LARP4: variants seen among roughly 807,000 people sequenced by gnomAD.
LARP4 encodes the protein La ribonucleoprotein 4.
Under a neutral mutation model 92.9 loss-of-function variants are expected in LARP4, and 29 were observed. The ratio of observed to expected loss-of-function variants is 0.31; its 90% CI spans 0.23 to 0.43. The LOEUF is 0.43. Among genes scored for constraint, LARP4 ranks in the 20% least tolerant of loss-of-function variants. The pLI, the probability that LARP4 is intolerant of heterozygous loss-of-function variation, is 1.00. For synonymous variants in LARP4, 279 were observed against 284.1 expected, an observed-to-expected ratio of 0.98 and a Z score of 0.18; for missense variants, 732 against 860.0, an observed-to-expected ratio of 0.85 and a Z score of 1.86.
In LARP4 at chr12:50,429,065, G is replaced by A. The variant is rs1365844848; in HGVS notation, c.297G>A (p.Leu99=). ...TDGMILGPED[L]SYQIYDVSGE... ...GGATGATTTTAGGACCAGAAGATCT[G>A]AGTTACCAAATATATGATGTTTCCG... is the stretch of plus-strand genomic sequence containing the variant. The change falls in exon 3 of 16, where the codon CTG becomes CTA. Residue 99 remains leucine (L), a synonymous_variant. Transcript: ENST00000398473. 6.2e-7 allele frequency: 1 copy of A among 1,612,086 alleles called. No individual in the cohort carries two copies. Among genetic ancestry groups the A allele is most frequent in the East Asian group, 2.2e-5 (1 of 44,802 alleles).
In LARP4 at chr12:50,467,084, G is replaced by T; in HGVS notation, c.1509G>T (p.Arg503Ser). The T allele has an allele frequency of 6.2e-7, 1 of 1,612,932 alleles. No individual in the cohort carries two copies. Among genetic ancestry groups the T allele is most frequent in the South Asian group, 1.1e-5 (1 of 90,984 alleles). The change falls in exon 13 of 16, where the codon AGG becomes AGT. Residue 503 changes from arginine (R) to serine (S), a missense_variant. By Grantham distance (110) the Arg-to-Ser change is moderately radical (BLOSUM62 -1). Coordinates refer to ENST00000398473, the MANE Select transcript of LARP4 (RefSeq NM_052879.5). ...CAGGTGAACTCGTTTTGGAGAATAGGATGTCTGATGTTGTTAAAGGTGTCT... is the reference window on the plus strand; with the variant it reads ...CAGGTGAACTCGTTTTGGAGAATAGTATGTCTGATGTTGTTAAAGGTGTCT... ...RMPGELVLEN[R>S]MSDVVKGVYK...
intron 1 of LARP4, among the ~76,000 whole-genome samples, chr12:50,417,215 C>T (rs777730464): frequency 2.0e-4 from 31 of 151,694 alleles, no homozygotes; most frequent in Admixed American, 2.0e-3. Flanking sequence ...CAAGATCAGC[C>T]TGGCCAAGAT....
intron 8 of LARP4, among the ~76,000 whole-genome samples, chr12:50,447,371 C>G (rs1045999229): frequency 6.6e-6 from 1 of 152,138 alleles, no homozygotes; most frequent in African/African-American, 2.4e-5. Context: ...ATGTTGATGG[C>G]CATGTAATTC....
In LARP4 at chr12:50,429,099, T is replaced by A; in HGVS notation, c.322+9T>A. The stretch of plus-strand genomic sequence containing the variant: ...AATATATGATGTTTCCGGTAAACTT[T>A]ATGGTTTTATTGTTAAAATGAGAAT... On this transcript the variant is annotated intron_variant, in intron 3 of 15. Transcript: ENST00000398473. 2 of 1,607,792 alleles carry A rather than the reference T, an allele frequency of 1.2e-6. No homozygotes were observed. Among genetic ancestry groups the A allele is most frequent in the Non-Finnish European group, 1.7e-6 (2 of 1,176,362 alleles).
chr12:50,438,485 T>C (rs530433383), intron 6 of LARP4, among the ~76,000 whole-genome samples: 2 of 103,190 alleles, frequency 1.9e-5, no homozygotes, highest in Admixed American at 1.0e-4. Context: ...AGTGAGACTC[T>C]TTGTCTCAAA....
intron 8 of LARP4, among the ~76,000 whole-genome samples, chr12:50,442,718 G>A (rs563274558): frequency 6.6e-6 from 1 of 152,314 alleles, no homozygotes; most frequent in East Asian, 1.9e-4. Flanking sequence ...AACCTAATGA[G>A]ATAGTGCTTT....
intron 8 of LARP4, among the ~76,000 whole-genome samples, chr12:50,446,705 G>T (rs1024054445): frequency 6.6e-6 from 1 of 151,754 alleles, no homozygotes; most frequent in African/African-American, 2.4e-5. Context: ...GGGATTGGAG[G>T]CGTGAGCCAC....
intron 10 of LARP4, among the ~76,000 whole-genome samples, chr12:50,457,690 T>C (rs577739822): frequency 2.6e-5 from 4 of 151,960 alleles, no homozygotes; most frequent in Admixed American, 2.6e-4. Flanking sequence ...GGTGTGCACC[T>C]GTAGTCCCTG....
chr12:50,418,083 A>C (rs1314118851), intron 1 of LARP4, among the ~76,000 whole-genome samples: 1 of 151,826 alleles, frequency 6.6e-6, no homozygotes, highest in Admixed American at 6.6e-5. Context: ...CTGGTCTTGA[A>C]CTCCTGATCT....
chr12:50,429,652 T>C (rs1342913158), intron 3 of LARP4, among the ~76,000 whole-genome samples: 1 of 152,196 alleles, frequency 6.6e-6, no homozygotes, highest in Non-Finnish European at 1.5e-5. Flanking sequence ...TTTTTTGTTG[T>C]TGTTGAGAGG....
intron 10 of LARP4, among the ~76,000 whole-genome samples, chr12:50,459,048 G>T (rs1954844840): frequency 6.6e-6 from 1 of 152,178 alleles, no homozygotes; most frequent in Non-Finnish European, 1.5e-5. Context: ...GCCCAGGCTG[G>T]AGTGCAATGG....
chr12:50,446,733 A>G (rs986015128), intron 8 of LARP4, among the ~76,000 whole-genome samples: 3 of 151,804 alleles, frequency 2.0e-5, no homozygotes, highest in Non-Finnish European at 4.4e-5. Context: ...GGCCTAGTGG[A>G]CTGTATTTTT....
chr12:50,428,325 G>C (rs1230887692), intron 2 of LARP4, among the ~76,000 whole-genome samples: 5 of 152,068 alleles, frequency 3.3e-5, no homozygotes, highest in Admixed American at 3.3e-4. Context: ...ACCATGCCTG[G>C]CCAGGATATA....
chr12:50,414,415 C>T (rs1019082903), intron 1 of LARP4, among the ~76,000 whole-genome samples: 8 of 152,106 alleles, frequency 5.3e-5, no homozygotes, highest in African/African-American at 7.2e-5. Flanking sequence ...GCCATCCTCT[C>T]GTCTCAGCCT....
intron 1 of LARP4, among the ~76,000 whole-genome samples, chr12:50,410,195 A>G (rs998692854): frequency 9.9e-5 from 15 of 152,046 alleles, no homozygotes; most frequent in African/African-American, 3.6e-4. Context: ...CAGCTGACTA[A>G]TTGAAGTAAT....
Position 50,475,951 on chromosome 12 carries a change from T to C in LARP4, c.*87T>C. On this transcript the variant is annotated 3_prime_UTR_variant, in exon 16 of 16. Transcript: ENST00000398473. ...TTGAACTGTTTTGGAGGGGAGGGGG[T>C]AGCCAGGAAGGAAACAAGAGAAAGT... 1 of 1,132,858 alleles carries C rather than the reference T, an allele frequency of 8.8e-7. No homozygotes were observed. Among genetic ancestry groups the C allele is most frequent in the Non-Finnish European group, 1.3e-6 (1 of 797,454 alleles). The allele number at this position is 1,132,858 out of a possible 1,614,324, so 70.2% of individuals were successfully genotyped here.
At chr12:50,470,235 CTATCTT>C (rs1956767700) in intron 13 of LARP4, among the ~76,000 whole-genome samples, 1 of 151,280 alleles carries the variant, frequency 6.6e-6, no homozygotes, top group Non-Finnish European at 1.5e-5. Context: ...AAAAAAAAGA[CTATCTT>C]TAATCAGAAG....
Position 50,461,214 on chromosome 12 carries a change from A to G in LARP4, c.1201A>G (p.Asn401Asp). 6.2e-7 allele frequency: 1 copy of G among 1,614,100 alleles called. No individual in the cohort carries two copies. The highest frequency in any genetic ancestry group is 8.5e-7 in the Non-Finnish European group (1 of 1,180,010). Residue 401 changes from asparagine (N) to aspartate (D), a missense_variant, in exon 11 of 16, where the codon AAC (asparagine) becomes GAC (aspartate). This residue lies in a region of LARP4 where 264 missense variants were observed against 269.5 expected (regional missense o/e 0.98). Transcript: ENST00000398473. ...TGTATCCTTGGGGGATGGACAGTTG[A>G]ACAGATATAGTTCAAGAAACTTTCC... is the stretch of plus-strand genomic sequence containing the variant. ...GSVSLGDGQL[N>D]RYSSRNFPAE...
chr12:50,430,558 T>C lies in LARP4; in HGVS notation c.386T>C (p.Phe129Ser), dbSNP rs1358507376. The change falls in exon 4 of 16, where the codon TTC (phenylalanine) becomes TCC (serine). Residue 129 changes from phenylalanine (F) to serine (S), a missense_variant. By Grantham distance (155) the Phe-to-Ser change is radical. Around this residue, in one of 7 missense-constraint regions of LARP4, gnomAD observed 236 missense variants for 307.6 expected, o/e 0.77. Transcript: ENST00000398473. ...GAATGTCTGAAGAAACAATTAGAAT[T>C]CTGTTTTTCACGGTATTGCTGTTTC... is the stretch of plus-strand genomic sequence containing the variant. ...LKECLKKQLEFCFSRENLSKD... is the reference protein window; with the variant it reads ...LKECLKKQLESCFSRENLSKD... 6.2e-7 allele frequency: 1 copy of C among 1,601,242 alleles called. No individual in the cohort carries two copies. The highest frequency in any genetic ancestry group is 1.3e-5 in the African/African-American group (1 of 74,676).
Sources: gnomAD v4.1 joint callset for allele counts (sites outside exome capture counted in the v4.1 genomes callset) on GRCh38, gnomAD v4.1.1 for gene constraint, gnomAD v4.1.1 regional missense constraint, MANE v1.5 for transcripts, NCBI Gene and HGNC (gene_info 2026-07-23, HGNC 2026-07-21) for gene names.